Variants in IRGQ observed in about 807,000 individuals in gnomAD.
IRGQ encodes the protein immunity-related GTPase family Q protein.
In IRGQ, 5 loss-of-function variants were observed where a neutral mutation model predicts 10.5. The ratio of observed to expected loss-of-function variants is 0.48; its 90% CI spans 0.25 to 1.00. IRGQ has a LOEUF of 1.00. Ranked by LOEUF, IRGQ falls within the 50% of genes least tolerant of loss-of-function variation. The pLI, the probability that IRGQ is intolerant of heterozygous loss-of-function variation, is 0.16. For synonymous variants in IRGQ, 418 were observed against 426.0 expected, an observed-to-expected ratio of 0.98 and a Z score of 0.23; for missense variants, 792 against 877.7, an observed-to-expected ratio of 0.90 and a Z score of 1.23.
In IRGQ at chr19:43,593,228, G is replaced by C; in HGVS notation, c.670C>G (p.Arg224Gly). The C allele has an allele frequency of 1.3e-6, 2 of 1,584,914 alleles. No homozygotes were observed. The highest frequency in any genetic ancestry group is 1.7e-6 in the Non-Finnish European group (2 of 1,163,550). ...TTGCCAGCCACGGCCAGGTCTAGCCGTGCGCTGCCCAGGCGCTCCAGGCCT... is the reference window on the plus strand; with the variant it reads ...TTGCCAGCCACGGCCAGGTCTAGCCCTGCGCTGCCCAGGCGCTCCAGGCCT... ...RSGLERLGSA[R>G]LDLAVAGKAD... is the part of the protein sequence containing the mutation. Residue 224 changes from arginine to glycine, a missense_variant, in exon 3 of 3, where the codon CGG (arginine) becomes GGG (glycine). Arg to Gly is a moderately radical substitution (Grantham distance 125). Transcript: ENST00000422989. This position sits in a 1 kb window ranked among gnomAD's most constrained non-coding sequence, Gnocchi z 6.4.
chr19:43,589,576 C>A lies in IRGQ; in HGVS notation c.*2450G>T, dbSNP rs1052715533. The A allele has an allele frequency of 2.0e-5, 3 of 152,026 alleles. No homozygotes were observed. Among genetic ancestry groups the A allele is most frequent in the Non-Finnish European group, 4.4e-5 (3 of 68,026 alleles). The allele number at this position is 152,026 out of a possible 1,614,324, so 9.4% of individuals were successfully genotyped here. ...GGGGCAACAGAGCAAGACCCTGTCT[C>A]TAAAATAATAATAATAATAATAAAT... On this transcript the variant is annotated 3_prime_UTR_variant, in exon 3 of 3. Transcript: ENST00000422989.
At position 43,594,928 on chromosome 19, in the gene IRGQ, G is replaced by T; in HGVS notation, c.411C>A (p.Ser137Arg). Residue 137 changes from serine (S) to arginine (R), a missense_variant, in exon 2 of 3, where the codon AGC (serine) becomes AGA (arginine). Physicochemically the swap from Ser to Arg is moderately radical, Grantham distance 110. Coordinates refer to ENST00000422989, the MANE Select transcript of IRGQ (RefSeq NM_001007561.3). ...ARDQTAALLN[S>R]AGLGAADLFV... ...ACAGATCCGCAGCTCCTAACCCCGC[G>T]CTGTTCAGCAGAGCTGCTGTCTGAT... The T allele has an allele frequency of 1.2e-6, 2 of 1,614,060 alleles. No individual in the cohort carries two copies. The highest frequency in any genetic ancestry group is 1.7e-6 in the Non-Finnish European group (2 of 1,179,956).
rs1442277689 is a variant in IRGQ at position 43,595,161 on chromosome 19, C to A, written c.178G>T (p.Glu60Ter). The change falls in exon 2 of 3, where the codon GAG (glutamate) becomes TAG (stop). Residue 60 changes from glutamate (E) to a stop codon, truncating the protein, a stop_gained. Transcript: ENST00000422989. LOFTEE classifies it high-confidence loss of function. Reference sequence around the variant, plus strand: ...GGCGCTGCGGGTGGGCAGCTCAGCTCGCCCAGAAAAAGGCCTGGGCCCGCA... The same window carrying A: ...GGCGCTGCGGGTGGGCAGCTCAGCTAGCCCAGAAAAAGGCCTGGGCCCGCA... ...RAAGPGLFLGELSCPPAAPGP... is the reference protein window; with the variant it reads ...RAAGPGLFLG 3 of 1,607,386 alleles carry A rather than the reference C, an allele frequency of 1.9e-6. No individual in the cohort carries two copies. In the Admixed American group the frequency reaches 5.1e-5, roughly 27 times the overall value.
chr19:43,592,121 C>T lies in IRGQ; in HGVS notation c.1777G>A (p.Gly593Ser). 1 of 1,612,072 alleles carries T rather than the reference C, an allele frequency of 6.2e-7. No homozygotes were observed. The highest frequency in any genetic ancestry group is 8.5e-7 in the Non-Finnish European group (1 of 1,179,758). The change falls in exon 3 of 3, where the codon GGC (glycine) becomes AGC (serine). Residue 593 changes from glycine (G) to serine (S), a missense_variant. Transcript: ENST00000422989. ...AGGACGCCGTGAGCCGCTCGGTAGC[C>T]CAGGCCACCTGTCGCCGCTGCACCA... Reference protein sequence around the residue: ...AGGAAATGGLGYRAAHGVLLQ... With the variant: ...AGGAAATGGLSYRAAHGVLLQ...
rs561591619 is a variant in IRGQ at position 43,593,214 on chromosome 19, G to A, written c.684C>T (p.Ala228=). 249 of 1,578,090 alleles carry A rather than the reference G, an allele frequency of 1.6e-4. 1 individual carries two copies. The South Asian group carries it at 2.2e-3, about 14-fold the overall frequency. Residue 228 remains alanine, a synonymous_variant, in exon 3 of 3, where the codon GCC becomes GCT. Coordinates refer to ENST00000422989, the MANE Select transcript of IRGQ (RefSeq NM_001007561.3). This position sits in a 1 kb window ranked among gnomAD's most constrained non-coding sequence, Gnocchi z 6.4. ...GGCCCACGTCAGCCTTGCCAGCCAC[G>A]GCCAGGTCTAGCCGTGCGCTGCCCA... ...ERLGSARLDL[A]VAGKADVGLV...
Position 43,586,352 on chromosome 19 carries a change from A to G in IRGQ, c.*5674T>C, listed in dbSNP as rs1972994143. The G allele has an allele frequency of 6.6e-6, 1 of 152,060 alleles. No individual in the cohort carries two copies. The highest frequency in any genetic ancestry group is 2.4e-5 in the African/African-American group (1 of 41,392). The allele number at this position is 152,060 out of a possible 1,614,324, so 9.4% of individuals were successfully genotyped here. Reference sequence around the variant, plus strand: ...GAATCCCATTAAAAGTTATGATTTAAAAGGCGACCACCCCCAAAAGAAGTC... The same window carrying G: ...GAATCCCATTAAAAGTTATGATTTAGAAGGCGACCACCCCCAAAAGAAGTC... On this transcript the variant is annotated 3_prime_UTR_variant, in exon 3 of 3. Transcript: ENST00000422989.
chr19:43,594,855 C>T lies in IRGQ; in HGVS notation c.484G>A (p.Glu162Lys). ...CTCTGCAGCGCCGCCCGGAGGCGCT[C>T]TAGCTCCTCGCAGCCGTCGCTGCTG... ...CGSSDGCEEL[E>K]RLRAALQSQA... Residue 162 changes from glutamate (E) to lysine (K), a missense_variant, in exon 2 of 3, where the codon GAG becomes AAG. By Grantham distance (56) the Glu-to-Lys change is moderately conservative. Transcript: ENST00000422989. 6.2e-7 allele frequency: 1 copy of T among 1,613,246 alleles called. No homozygotes were observed. Among genetic ancestry groups the T allele is most frequent in the East Asian group, 2.2e-5 (1 of 44,860 alleles).
At position 43,592,495 on chromosome 19, in the gene IRGQ, C is replaced by A. The variant is rs764363953; in HGVS notation, c.1403G>T (p.Ser468Ile). The change falls in exon 3 of 3, where the codon AGC (serine) becomes ATC (isoleucine). Residue 468 changes from serine to isoleucine, a missense_variant. Transcript: ENST00000422989. ...LLLALPPASPSAARTKAAALR... is the reference protein window; with the variant it reads ...LLLALPPASPIAARTKAAALR... The stretch of plus-strand genomic sequence containing the variant: ...CGCCGCAGCCTTGGTTCGGGCAGCG[C>A]TGGGAGATGCTGGTGGCAACGCCAG... 6.3e-7 allele frequency: 1 copy of A among 1,594,336 alleles called. No individual in the cohort carries two copies. The highest frequency in any genetic ancestry group is 2.2e-5 in the East Asian group (1 of 44,718).
chr19:43,591,915 G>A lies in IRGQ; in HGVS notation c.*111C>T. 1.0e-6 allele frequency: 1 copy of A among 986,408 alleles called. No individual in the cohort carries two copies. Among genetic ancestry groups the A allele is most frequent in the Non-Finnish European group, 1.5e-6 (1 of 676,068 alleles). The allele number at this position is 986,408 out of a possible 1,614,324, so 61.1% of individuals were successfully genotyped here. On this transcript the variant is annotated 3_prime_UTR_variant, in exon 3 of 3. Transcript: ENST00000422989. ...CAGACTCTCTGAATCCAGGTGATAA[G>A]AAGTCACACATCCCAGCTGGAAGTC... is the stretch of plus-strand genomic sequence containing the variant.
rs550471546 is a variant in IRGQ, at chr19:43,593,375, G to T, written c.531-8C>A. On this transcript the variant is annotated splice_region_variant and splice_polypyrimidine_tract_variant and intron_variant, in intron 2 of 2. Transcript: ENST00000422989. The surrounding 1 kb of genome is among the most constrained non-coding windows in gnomAD (Gnocchi z 6.4). ...TGCGCCGGTGGCAGGAGCCTGTGGG[G>T]ACAAGAAGGGACAGGGTCAAAGGTA... 22 of 1,506,150 alleles carry T rather than the reference G, an allele frequency of 1.5e-5. No individual in the cohort carries two copies. The highest frequency in any genetic ancestry group is 1.3e-4 in the African/African-American group (9 of 71,738). 93.3% of individuals were successfully genotyped at this position (1,506,150 alleles called of 1,614,324 possible).
chr19:43,592,211 A>G lies in IRGQ; in HGVS notation c.1687T>C (p.Trp563Arg), dbSNP rs756588498. Residue 563 changes from tryptophan to arginine, a missense_variant, in exon 3 of 3, where the codon TGG becomes CGG. Coordinates refer to ENST00000422989, the MANE Select transcript of IRGQ (RefSeq NM_001007561.3). The part of the protein sequence containing the change: ...RAEVEARLGA[W>R]AGEGTAGGAA... Reference sequence around the variant, plus strand: ...CCCCCAGCAGTGCCCTCGCCCGCCCAGGCGCCCAGTCTTGCTTCCACCTCG... The same window carrying G: ...CCCCCAGCAGTGCCCTCGCCCGCCCGGGCGCCCAGTCTTGCTTCCACCTCG... The G allele has an allele frequency of 1.9e-6, 3 of 1,590,720 alleles. No homozygotes were observed. The East Asian group carries it at 6.8e-5, about 36-fold the overall frequency.
chr19:43,595,133 C>T lies in IRGQ; in HGVS notation c.206G>A (p.Gly69Glu). Reference protein sequence around the residue: ...GELSCPPAAPGPWAAEANVLV... With the variant: ...GELSCPPAAPEPWAAEANVLV... The stretch of plus-strand genomic sequence containing the variant: ...CACGTTGGCTTCCGCCGCCCAGGGC[C>T]CCGGCGCTGCGGGTGGGCAGCTCAG... The change falls in exon 2 of 3, where the codon GGG becomes GAG. Residue 69 changes from glycine to glutamate, a missense_variant. By Grantham distance (98) the Gly-to-Glu change is moderately conservative. Transcript: ENST00000422989. 6.2e-7 allele frequency: 1 copy of T among 1,600,372 alleles called. No individual in the cohort carries two copies. Among genetic ancestry groups the T allele is most frequent in the Non-Finnish European group, 8.5e-7 (1 of 1,172,914 alleles).
chr19:43,594,260 G>A (rs1350994986), intron 2 of IRGQ, among the ~76,000 whole-genome samples: 1 of 152,192 alleles, frequency 6.6e-6, no homozygotes, highest in Non-Finnish European at 1.5e-5. Flanking sequence ...CCTTGGTGGG[G>A]GCAGGGCCTG....
chr19:43,593,184 C>T lies in IRGQ; in HGVS notation c.714G>A (p.Val238=), dbSNP rs780719661. Reference sequence around the variant, plus strand: ...GATCCAATCCAAGCAGCATGTCCACCACAAGGCCCACGTCAGCCTTGCCAG... The same window carrying T: ...GATCCAATCCAAGCAGCATGTCCACTACAAGGCCCACGTCAGCCTTGCCAG... The part of the protein sequence containing the change: ...AVAGKADVGL[V]VDMLLGLDPG... The change falls in exon 3 of 3, where the codon GTG becomes GTA. Residue 238 remains valine, a synonymous_variant. Transcript: ENST00000422989. The surrounding 1 kb of genome is among the most constrained non-coding windows in gnomAD (Gnocchi z 6.4). 1.3e-6 allele frequency: 2 copies of T among 1,566,328 alleles called. No homozygotes were observed. Among genetic ancestry groups the T allele is most frequent in the East Asian group, 2.3e-5 (1 of 44,178 alleles).
Position 43,592,449 on chromosome 19 carries a change from C to T in IRGQ, c.1449G>A (p.Arg483=), listed in dbSNP as rs1973070427. The change falls in exon 3 of 3, where the codon AGG becomes AGA. Residue 483 remains arginine (R), a synonymous_variant. Transcript: ENST00000422989. ...CCGCCAGACTAGCCAGCAGAGCTGG[C>T]CTCCACGCCCCGGCTCGCAACGCCG... ...KAAALRAGAW[R]PALLASLAAA... 4 of 1,583,376 alleles carry T rather than the reference C, an allele frequency of 2.5e-6. No individual in the cohort carries two copies. The highest frequency in any genetic ancestry group is 4.6e-5 in the East Asian group (2 of 43,832).
At position 43,585,672 on chromosome 19, in the gene IRGQ, G is replaced by A. The variant is rs1299881614; in HGVS notation, c.*6354C>T. 1.3e-5 allele frequency: 2 copies of A among 152,126 alleles called. No homozygotes were observed. Among genetic ancestry groups the A allele is most frequent in the African/African-American group, 4.8e-5 (2 of 41,408 alleles). 9.4% of individuals were successfully genotyped at this position (152,126 alleles called of 1,614,324 possible). The stretch of plus-strand genomic sequence containing the variant: ...GGCTACAGAAAGGCTGGCCCAGTTG[G>A]GGTCATTAATGGGTATACCTGGCTC... On this transcript the variant is annotated 3_prime_UTR_variant, in exon 3 of 3. Coordinates refer to ENST00000422989, the MANE Select transcript of IRGQ (RefSeq NM_001007561.3).
chr19:43,594,745 C>G, intron 2 of IRGQ, 64 bp downstream of exon 2: 1 of 1,436,070 alleles, frequency 7.0e-7, no homozygotes, highest in Non-Finnish European at 9.4e-7. Flanking sequence ...TCATGGACCT[C>G]CATGGTCGCA....
At position 43,585,181 on chromosome 19, in the gene IRGQ, G is replaced by A. The variant is rs1972979879; in HGVS notation, c.*6845C>T. ...TGCTCAGCCAGCCCGGGGTTTGGAT[G>A]TGGCAGTGGTGGTAGGGGTCCCAAG... On this transcript the variant is annotated 3_prime_UTR_variant, in exon 3 of 3. Coordinates refer to ENST00000422989, the MANE Select transcript of IRGQ (RefSeq NM_001007561.3). 6.6e-6 allele frequency: 1 copy of A among 151,956 alleles called. No homozygotes were observed. The allele number at this position is 151,956 out of a possible 1,614,324, so 9.4% of individuals were successfully genotyped here.
chr19:43,595,301 A>G lies in IRGQ; in HGVS notation c.38T>C (p.Leu13Pro). ...GGACTTCCCCAAGCCCGGAGGCCCC[A>G]GGAACAAGGCGGTCACGTCACCCTG... ...PPQGDVTALF[L>P]GPPGLGKSAL... The change falls in exon 2 of 3, where the codon CTG (leucine) becomes CCG (proline). Residue 13 changes from leucine to proline, a missense_variant. Transcript: ENST00000422989. 6.3e-7 allele frequency: 1 copy of G among 1,585,390 alleles called. No homozygotes were observed. The highest frequency in any genetic ancestry group is 8.6e-7 in the Non-Finnish European group (1 of 1,165,770).
Sources: gnomAD v4.1 joint callset for allele counts (sites outside exome capture counted in the v4.1 genomes callset) on GRCh38, gnomAD v4.1.1 for gene constraint, Gnocchi (gnomAD v3.1) non-coding constraint, MANE v1.5 for transcripts, NCBI Gene and HGNC (gene_info 2026-07-23, HGNC 2026-07-21) for gene names.